Variants in GPR155 observed in about 807,000 individuals in gnomAD.
The protein encoded by GPR155 is lysosomal cholesterol signaling protein.
GPR155 carries 65 observed loss-of-function variants against 93.1 expected under a neutral mutation model. That is an observed-to-expected ratio of 0.70 (90% CI 0.57 to 0.86). The LOEUF is 0.86. Among genes scored for constraint, GPR155 ranks in the 40% least tolerant of loss-of-function variants. The pLI, the probability that GPR155 is intolerant of heterozygous loss-of-function variation, is 0.00. For missense variants in GPR155, 838 were observed against 1,034.8 expected (o/e 0.81, Z 2.61); for synonymous variants, 319 against 360.1 (o/e 0.89, Z 1.29).
At chr2:174,438,953 T>C (rs1052334356) in intron 15 of GPR155, among the ~76,000 whole-genome samples, 1 of 152,194 alleles carries the variant, frequency 6.6e-6, no homozygotes, top group Non-Finnish European at 1.5e-5. Context: ...TGTCATCTAA[T>C]TCAACAATCC....
chr2:174,440,874 T>C (rs1009401347), intron 14 of GPR155, among the ~76,000 whole-genome samples: 16 of 152,114 alleles, frequency 1.1e-4, no homozygotes, highest in South Asian at 2.1e-4. Flanking sequence ...AAACCAACAA[T>C]TTAGAAAGAA....
In GPR155 at chr2:174,481,933, C is replaced by T. The variant is rs752675086; in HGVS notation, c.24G>A (p.Glu8=). The change falls in exon 2 of 16, where the codon GAG becomes GAA. Residue 8 remains glutamate (E), a synonymous_variant. Coordinates refer to ENST00000392552, the MANE Select transcript of GPR155 (RefSeq NM_152529.7). MNSNLPA[E]NLTIAVNMTK... Reference sequence around the variant, plus strand: ...TCATATTGACTGCAATGGTTAAGTTCTCTGCAGGTAAATTAGAATTCATTT... The same window carrying T: ...TCATATTGACTGCAATGGTTAAGTTTTCTGCAGGTAAATTAGAATTCATTT... 39 of 1,611,178 alleles carry T rather than the reference C, an allele frequency of 2.4e-5. No individual in the cohort carries two copies. Among genetic ancestry groups the T allele is most frequent in the Middle Eastern group, 1.6e-4 (1 of 6,074 alleles).
At chr2:174,469,899 T>C (rs1687943535) in intron 4 of GPR155, among the ~76,000 whole-genome samples, 1 of 152,318 alleles carries the variant, frequency 6.6e-6, no homozygotes, top group South Asian at 2.1e-4. Flanking sequence ...GCTTGCTCTG[T>C]CACCCAGGCT....
chr2:174,446,529 A>G, intron 12 of GPR155, 82 bp downstream of exon 12: 1 of 1,358,128 alleles, frequency 7.4e-7, no homozygotes, highest in Non-Finnish European at 1.0e-6. Context: ...GCAGCAACTA[A>G]GTTTTTCCCG....
intron 10 of GPR155, among the ~76,000 whole-genome samples, chr2:174,456,307 ATTT>A (rs112330863): frequency 1.4e-5 from 2 of 141,848 alleles, no homozygotes. Context: ...CCTAGGTATA[ATTT>A]TTTTTTTTTT....
intron 10 of GPR155, among the ~76,000 whole-genome samples, chr2:174,455,000 T>C (rs1257344740): frequency 1.3e-5 from 2 of 152,154 alleles, no homozygotes; most frequent in African/African-American, 4.8e-5. Flanking sequence ...TGCCCTATCA[T>C]ACAGTATGGT....
At chr2:174,479,739 C>G (rs776980588) in intron 2 of GPR155, among the ~76,000 whole-genome samples, 1 of 152,134 alleles carries the variant, frequency 6.6e-6, no homozygotes, top group Admixed American at 6.5e-5. Flanking sequence ...GGTCCTTATA[C>G]CATAAATACC....
intron 7 of GPR155, among the ~76,000 whole-genome samples, chr2:174,463,354 G>A (rs543637436): frequency 6.6e-6 from 1 of 151,954 alleles, no homozygotes; most frequent in East Asian, 1.9e-4. Flanking sequence ...GCATGTACCA[G>A]CATGCAAAGC....
chr2:174,472,421 C>A (rs958716035), intron 3 of GPR155, among the ~76,000 whole-genome samples: 2 of 151,922 alleles, frequency 1.3e-5, no homozygotes, highest in African/African-American at 4.8e-5. Flanking sequence ...AAAACAAAAA[C>A]AACAACAACA....
chr2:174,465,316 A>G (rs1419889897), intron 7 of GPR155, among the ~76,000 whole-genome samples: 1 of 152,146 alleles, frequency 6.6e-6, no homozygotes, highest in Non-Finnish European at 1.5e-5. Flanking sequence ...TTTGTCCTCA[A>G]AGTAACTCTG....
intron 3 of GPR155, among the ~76,000 whole-genome samples, chr2:174,471,864 AT>A (rs1411368177): frequency 2.0e-5 from 3 of 152,192 alleles, no homozygotes; most frequent in African/African-American, 7.2e-5. Context: ...CACAATACTA[AT>A]ACTTTGTTTC....
intron 2 of GPR155, among the ~76,000 whole-genome samples, chr2:174,479,313 G>GA (rs964292580): frequency 2.6e-5 from 4 of 151,926 alleles, no homozygotes; most frequent in South Asian, 2.1e-4. Flanking sequence ...TATTTTAGAG[G>GA]AAAAAAACCC....
intron 6 of GPR155, 110 bp from the exon 7 acceptor site, chr2:174,466,012 G>A: frequency 1.7e-6 from 1 of 582,934 alleles, no homozygotes; most frequent in South Asian, 2.5e-5. Context: ...TTCATTCACA[G>A]CAAATATAAT....
chr2:174,435,963 C>T lies in GPR155; in HGVS notation c.*153G>A. Reference sequence around the variant, plus strand: ...TACATGTAAAATCACAGACCCTGCGCATGTGGTGGGAGCACATCTTTTCAC... The same window carrying T: ...TACATGTAAAATCACAGACCCTGCGTATGTGGTGGGAGCACATCTTTTCAC... On this transcript the variant is annotated 3_prime_UTR_variant, in exon 16 of 16. Coordinates refer to ENST00000392552, the MANE Select transcript of GPR155 (RefSeq NM_152529.7). 1.6e-6 allele frequency: 1 copy of T among 620,852 alleles called. No homozygotes were observed. Among genetic ancestry groups the T allele is most frequent in the Non-Finnish European group, 2.9e-6 (1 of 346,720 alleles). The allele number at this position is 620,852 out of a possible 1,614,324, so 38.5% of individuals were successfully genotyped here. A position where few individuals can be genotyped will look rare whatever the true frequency, so the allele number is the denominator to read the frequency against.
chr2:174,458,867 C>T (rs1687597542), intron 10 of GPR155, among the ~76,000 whole-genome samples: 1 of 152,108 alleles, frequency 6.6e-6, no homozygotes, highest in South Asian at 2.1e-4. Flanking sequence ...GCGGGTGGAT[C>T]ACCTGAGGTC....
rs952380048 is a variant in GPR155 at position 174,435,607 on chromosome 2, G to A, written c.*509C>T. 1 of 152,734 alleles carries A rather than the reference G, an allele frequency of 6.5e-6. No homozygotes were observed. Among genetic ancestry groups the A allele is most frequent in the African/African-American group, 2.4e-5 (1 of 41,410 alleles). 9.5% of individuals were successfully genotyped at this position (152,734 alleles called of 1,614,324 possible). On this transcript the variant is annotated 3_prime_UTR_variant, in exon 16 of 16. Transcript: ENST00000392552. The stretch of plus-strand genomic sequence containing the variant: ...CTGCCTCAGCCTCCTGAGTAGCTGG[G>A]ATTACAGGCACCCGCCACCACACCC...
At chr2:174,446,574 GA>G (rs1164678285) in intron 12 of GPR155, 36 bp downstream of exon 12, 1 of 1,578,710 alleles carries the variant, frequency 6.3e-7, no homozygotes, top group South Asian at 1.2e-5. Context: ...AAAATTTAAA[GA>G]AATGGCCCCA....
Position 174,461,504 on chromosome 2 carries a change from A to G in GPR155, c.1470-12T>C. Reference sequence around the variant, plus strand: ...GGAGAGCAGGAATTCTGTAATCACAAGTGATATTGGGAGAGAAAAAGAAAG... The same window carrying G: ...GGAGAGCAGGAATTCTGTAATCACAGGTGATATTGGGAGAGAAAAAGAAAG... On this transcript the variant is annotated splice_polypyrimidine_tract_variant and intron_variant, in intron 8 of 15. Coordinates refer to ENST00000392552, the MANE Select transcript of GPR155 (RefSeq NM_152529.7). The G allele has an allele frequency of 6.2e-7, 1 of 1,601,418 alleles. No homozygotes were observed. The highest frequency in any genetic ancestry group is 2.2e-5 in the East Asian group (1 of 44,742).
chr2:174,482,295 A>G (rs1220825962), intron 1 of GPR155, among the ~76,000 whole-genome samples: 1 of 152,206 alleles, frequency 6.6e-6, no homozygotes, highest in Non-Finnish European at 1.5e-5. Flanking sequence ...CAAATATTAG[A>G]GCTGCAGTGA....
Sources: gnomAD v4.1 joint callset for allele counts (sites outside exome capture counted in the v4.1 genomes callset) on GRCh38, gnomAD v4.1.1 for gene constraint, MANE v1.5 for transcripts, NCBI Gene and HGNC (gene_info 2026-07-23, HGNC 2026-07-21) for gene names.